The following EDC3 variants were observed in gnomAD, a reference collection of about 807,000 sequenced individuals.
EDC3 encodes enhancer of mRNA decapping 3, also known as enhancer of mRNA-decapping protein 3.
A neutral mutation model predicts 41.8 loss-of-function variants in EDC3; 20 were observed. The observed-to-expected ratio is 0.48, with a 90% CI of 0.34 to 0.70. The LOEUF is 0.70. Ranked by LOEUF, EDC3 falls within the 30% of genes least tolerant of loss-of-function variation. The probability of loss-of-function intolerance (pLI) is 0.01; values close to 1 mark genes in which losing one functional copy is unlikely to be tolerated. For missense variants in EDC3, 444 were observed against 636.8 expected (o/e 0.70, Z 3.26); for synonymous variants, 206 against 243.2 (o/e 0.85, Z 1.42).
At chr15:74,639,984 G>T (rs1323081080) in intron 5 of EDC3, 1 of 155,874 alleles carries the variant, frequency 6.4e-6, no homozygotes, top group African/African-American at 2.4e-5. Flanking sequence ...CCTGGTATCA[G>T]TCTGTCTACA....
At chr15:74,652,229 T>C (rs1402624282) in intron 4 of EDC3, among the ~76,000 whole-genome samples, 1 of 151,170 alleles carries the variant, frequency 6.6e-6, no homozygotes, top group Non-Finnish European at 1.5e-5. Flanking sequence ...CTTATATTTT[T>C]CCTTTTTTTT....
chr15:74,692,844 G>C (rs2063022735), intron 1 of EDC3: 1 of 152,016 alleles, frequency 6.6e-6, no homozygotes, highest in African/African-American at 2.4e-5. Flanking sequence ...ATATTTACTT[G>C]TCAGAAATTA....
intron 1 of EDC3, among the ~76,000 whole-genome samples, chr15:74,678,977 G>A (rs1296265747): frequency 6.6e-6 from 1 of 150,828 alleles, no homozygotes; most frequent in African/African-American, 2.4e-5. Context: ...GATCACTTGA[G>A]TTCAGGAGTT....
rs2062203931 is a variant in EDC3 at position 74,631,286 on chromosome 15, GAC to G, written c.*1324_*1325del. 1 of 152,504 alleles carries G rather than the reference GAC, an allele frequency of 6.6e-6. No individual in the cohort carries two copies. The highest frequency in any genetic ancestry group is 2.4e-5 in the African/African-American group (1 of 41,458). The allele number at this position is 152,504 out of a possible 1,614,324, so 9.4% of individuals were successfully genotyped here. On this transcript the variant is annotated 3_prime_UTR_variant, in exon 7 of 7. Transcript: ENST00000315127. ...TCCACCCGCTCAGCCAGCCTGGGCA[GAC>G]ACAGAGCAGAAGCAGCCTGAAGCCC... is the stretch of plus-strand genomic sequence containing the variant.
At chr15:74,649,622 T>A (rs981325711) in intron 4 of EDC3, among the ~76,000 whole-genome samples, 3 of 152,196 alleles carry the variant, frequency 2.0e-5, no homozygotes, top group Non-Finnish European at 4.4e-5. Context: ...TGAATAATAA[T>A]TACAGATTGG....
chr15:74,646,229 C>T (rs1471302125), intron 4 of EDC3, among the ~76,000 whole-genome samples: 2 of 151,996 alleles, frequency 1.3e-5, no homozygotes, highest in East Asian at 1.9e-4. Context: ...TGCACCACCA[C>T]GCCCAGCTAA....
chr15:74,655,461 TTTAG>T (rs1009140286), intron 4 of EDC3, among the ~76,000 whole-genome samples: 1 of 152,130 alleles, frequency 6.6e-6, no homozygotes, highest in African/African-American at 2.4e-5. Context: ...GCCCTTTGCC[TTTAG>T]TTGTTACTCA....
At position 74,632,801 on chromosome 15, in the gene EDC3, C is replaced by T. The variant is rs756054202; in HGVS notation, c.1338G>A (p.Val446=). ...CATCAATGCCCTGTTCGACTTCATG[C>T]ACAGGAGGGTCTATGCTGAGTACTG... The part of the protein sequence containing the change: ...RAPVLSIDPP[V]HEVEQGIDAK... Residue 446 remains valine (V), a synonymous_variant, in exon 7 of 7, where the codon GTG becomes GTA. Coordinates refer to ENST00000315127, the MANE Select transcript of EDC3 (RefSeq NM_025083.5). This position sits in a 1 kb window ranked among gnomAD's most constrained non-coding sequence, Gnocchi z 4.0. 1 of 1,614,260 alleles carries T rather than the reference C, an allele frequency of 6.2e-7. No individual in the cohort carries two copies. The highest frequency in any genetic ancestry group is 8.5e-7 in the Non-Finnish European group (1 of 1,180,048).
At chr15:74,691,909 C>T (rs1234478141) in intron 1 of EDC3, among the ~76,000 whole-genome samples, 1 of 152,060 alleles carries the variant, frequency 6.6e-6, no homozygotes, top group African/African-American at 2.4e-5. Context: ...CTCCACCTCC[C>T]GGGTTCAAGC....
At chr15:74,646,349 G>A (rs1161104188) in intron 4 of EDC3, among the ~76,000 whole-genome samples, 3 of 152,142 alleles carry the variant, frequency 2.0e-5, no homozygotes, top group Non-Finnish European at 4.4e-5. Context: ...TTGGGATTAC[G>A]GGCGTGAGCC....
intron 1 of EDC3, among the ~76,000 whole-genome samples, chr15:74,684,209 T>C (rs1435458671): frequency 6.6e-6 from 1 of 151,586 alleles, no homozygotes; most frequent in East Asian, 1.9e-4. Flanking sequence ...AGCTAATATT[T>C]TCTGTTTTGT....
chr15:74,649,060 A>ATTTTT (rs1184258510), intron 4 of EDC3, among the ~76,000 whole-genome samples: 4 of 115,954 alleles, frequency 3.4e-5, no homozygotes, highest in Admixed American at 1.0e-4. Context: ...ACCCTGGCTA[A>ATTTTT]TTTTTTTTTT....
intron 1 of EDC3, among the ~76,000 whole-genome samples, chr15:74,690,775 T>C (rs1325655440): frequency 1.3e-5 from 2 of 152,020 alleles, no homozygotes; most frequent in African/African-American, 4.8e-5. Context: ...AGCAAGACTG[T>C]TTCCACCCCC....
chr15:74,632,748 G>A lies in EDC3; in HGVS notation c.1391C>T (p.Pro464Leu). Reference protein sequence around the residue: ...DAKWSLALGLPLPLGEHAGRI... With the variant: ...DAKWSLALGLLLPLGEHAGRI... ...GCCTGCGTGCTCCCCCAGTGGCAGA[G>A]GCAGGCCCAGTGCCAGTGACCATTT... is the stretch of plus-strand genomic sequence containing the variant. Residue 464 changes from proline (P) to leucine (L), a missense_variant, in exon 7 of 7, where the codon CCT (proline) becomes CTT (leucine). By Grantham distance (98) the Pro-to-Leu change is moderately conservative. This residue lies in a region of EDC3 where 242 missense variants were observed against 363.8 expected (regional missense o/e 0.67). Coordinates refer to ENST00000315127, the MANE Select transcript of EDC3 (RefSeq NM_025083.5). This position sits in a 1 kb window ranked among gnomAD's most constrained non-coding sequence, Gnocchi z 4.0. 6.2e-7 allele frequency: 1 copy of A among 1,614,192 alleles called. No homozygotes were observed. Among genetic ancestry groups the A allele is most frequent in the East Asian group, 2.2e-5 (1 of 44,870 alleles).
At chr15:74,676,400 T>C (rs552847028) in intron 1 of EDC3, among the ~76,000 whole-genome samples, 73 of 151,840 alleles carry the variant, frequency 4.8e-4, no homozygotes, top group Non-Finnish European at 9.6e-4. Flanking sequence ...CAGAAACCAA[T>C]GAAACAAGAA....
rs368896753 is a variant in EDC3 at position 74,691,219 on chromosome 15, G to A, written c.-19+4661C>T. Among the ~76,000 whole-genome samples the A allele has an allele frequency of 1.6e-4, 24 of 151,770 alleles. No homozygotes were observed. The East Asian group carries it at 2.9e-3, about 18-fold the overall frequency. On this transcript the variant is annotated intron_variant, in intron 1 of 6. Transcript: ENST00000315127. ...GAACTTCCTTACTAACCAGCACTAC[G>A]ACCTGGGCAAATTACCTAATCTGAG... is the stretch of plus-strand genomic sequence containing the variant.
chr15:74,660,119 T>C (rs2062604007), intron 3 of EDC3, among the ~76,000 whole-genome samples: 1 of 151,574 alleles, frequency 6.6e-6, no homozygotes, highest in South Asian at 2.1e-4. Flanking sequence ...GATGGGAGGA[T>C]CACTTGAGCC....
chr15:74,642,099 T>C (rs6495119), intron 4 of EDC3: 27,364 of 152,164 alleles, frequency 0.18, 3,549 homozygotes, highest in East Asian at 0.42. Context: ...AATGAGGCTA[T>C]AGCTTCATGT....
At chr15:74,693,216 A>G (rs536349639) in intron 1 of EDC3, among the ~76,000 whole-genome samples, 1 of 152,356 alleles carries the variant, frequency 6.6e-6, no homozygotes, top group South Asian at 2.1e-4. Context: ...AATGCAGGTC[A>G]CATCGGTTCT....
Sources: allele counts gnomAD v4.1 joint callset (sites outside exome capture counted in the v4.1 genomes callset), GRCh38; gene constraint gnomAD v4.1.1; regional missense constraint gnomAD v4.1.1; non-coding constraint Gnocchi (gnomAD v3.1); transcripts MANE v1.5; gene names NCBI Gene and HGNC (gene_info 2026-07-23, HGNC 2026-07-21).